PDE1C: variants seen among roughly 807,000 people sequenced by gnomAD.
The protein encoded by PDE1C is phosphodiesterase 1C, also known as dual specificity calcium/calmodulin-dependent 3',5'-cyclic nucleotide phosphodiesterase 1C.
PDE1C carries 62 observed loss-of-function variants against 93.1 expected under a neutral mutation model. The ratio of observed to expected loss-of-function variants is 0.67; its 90% CI spans 0.54 to 0.82. The LOEUF is 0.82. PDE1C is among the 40% of genes least tolerant of loss of function. The probability of loss-of-function intolerance (pLI) is 0.00; values close to 1 mark genes in which losing one functional copy is unlikely to be tolerated. For missense variants in PDE1C, 742 were observed against 884.6 expected, an observed-to-expected ratio of 0.84 and a Z score of 2.04; for synonymous variants, 325 against 310.1, an observed-to-expected ratio of 1.05 and a Z score of -0.50.
At chr7:31,856,590 T>C (rs929776009) in intron 7 of PDE1C, among the ~76,000 whole-genome samples, 4 of 152,048 alleles carry the variant, frequency 2.6e-5, no homozygotes, top group Admixed American at 6.6e-5. Context: ...AATAGATGAG[T>C]TCAAAGTGCA....
At chr7:31,632,391 G>A in the PDE1C span, among the ~76,000 whole-genome samples, 1 of 152,168 alleles carries the variant, frequency 6.6e-6, no homozygotes, top group Non-Finnish European at 1.5e-5. Context: ...GAGTTGCAAT[G>A]AGCCGAGATT....
intron 1 of PDE1C, among the ~76,000 whole-genome samples, chr7:32,387,784 G>A (rs1585137539): frequency 7.2e-6 from 1 of 139,252 alleles, no homozygotes; most frequent in South Asian, 2.5e-4. Flanking sequence ...CCTCCCGGAC[G>A]GGGCGGCTGG....
intron 2 of PDE1C, 135 bp downstream of exon 2, chr7:32,051,419 G>A (rs139091376): frequency 1.1e-4 from 87 of 812,572 alleles, no homozygotes; most frequent in South Asian, 3.6e-4. Flanking sequence ...AGTCACGATC[G>A]GAGATAAAGC....
intron 2 of PDE1C, among the ~76,000 whole-genome samples, chr7:32,207,576 C>G (rs149518602): frequency 8.5e-5 from 13 of 152,276 alleles, no homozygotes; most frequent in Non-Finnish European, 1.6e-4. Flanking sequence ...TGCCATCTGA[C>G]TTTTTCCGGA....
chr7:32,254,197 G>C (rs1199590494), intron 1 of PDE1C, among the ~76,000 whole-genome samples: 1 of 152,176 alleles, frequency 6.6e-6, no homozygotes, highest in African/African-American at 2.4e-5. Flanking sequence ...GAACAAAAGA[G>C]TAGTTCTGTC....
At chr7:32,360,731 G>A (rs1158915810) in intron 1 of PDE1C, among the ~76,000 whole-genome samples, 1 of 152,216 alleles carries the variant, frequency 6.6e-6, no homozygotes, top group African/African-American at 2.4e-5. Context: ...CAGATTATGA[G>A]GCTGGTCTTG....
intron 3 of PDE1C, among the ~76,000 whole-genome samples, chr7:32,156,776 G>A (rs2128794752): frequency 6.6e-6 from 1 of 152,298 alleles, no homozygotes; most frequent in South Asian, 2.1e-4. Context: ...TCAGCCAAGT[G>A]CCATTAAGTG....
the PDE1C span, among the ~76,000 whole-genome samples, chr7:31,630,259 A>AC: frequency 1.3e-5 from 2 of 151,610 alleles, no homozygotes; most frequent in African/African-American, 4.8e-5. Flanking sequence ...AAAAAAAAAA[A>AC]AAACATTGAA....
At chr7:32,297,955 ATCTCTCTCTCTCTCTC>A (rs768784407) in intron 1 of PDE1C, among the ~76,000 whole-genome samples, 4 of 28,954 alleles carry the variant, frequency 1.4e-4, no homozygotes, top group East Asian at 1.9e-3. Flanking sequence ...CTATTGTTCA[ATCTCTCTCTCTCTCTC>A]TCTCTCTCTC....
intron 1 of PDE1C, among the ~76,000 whole-genome samples, chr7:32,210,165 T>C (rs896863060): frequency 3.3e-5 from 5 of 152,218 alleles, no homozygotes; most frequent in African/African-American, 4.8e-5. Flanking sequence ...AACTTATCAT[T>C]GGATAGAGTC....
chr7:31,636,256 A>G, the PDE1C span, among the ~76,000 whole-genome samples: 2 of 152,186 alleles, frequency 1.3e-5, no homozygotes, highest in African/African-American at 4.8e-5. Context: ...CAGCTATGCC[A>G]TATCAACCAG....
chr7:32,151,326 T>G (rs182614108), intron 3 of PDE1C, among the ~76,000 whole-genome samples: 176 of 152,332 alleles, frequency 1.2e-3, no homozygotes, highest in Middle Eastern at 3.4e-3. Flanking sequence ...CCATAGTTAT[T>G]TATTGCCCAG....
intron 1 of PDE1C, among the ~76,000 whole-genome samples, chr7:32,069,054 G>A (rs1346872264): frequency 6.6e-6 from 1 of 152,170 alleles, no homozygotes; most frequent in African/African-American, 2.4e-5. Flanking sequence ...CACTAGCGGT[G>A]GCTAGACAAG....
intron 1 of PDE1C, among the ~76,000 whole-genome samples, chr7:32,212,851 A>G (rs964245569): frequency 7.9e-5 from 12 of 152,064 alleles, no homozygotes; most frequent in African/African-American, 2.7e-4. Flanking sequence ...CTCAAACTTC[A>G]GCAGGCATCA....
intron 3 of PDE1C, among the ~76,000 whole-genome samples, chr7:32,081,051 T>A (rs1796636571): frequency 6.6e-6 from 1 of 152,168 alleles, no homozygotes; most frequent in African/African-American, 2.4e-5. Context: ...GGAAAGCCAA[T>A]CTTAGCAAAA....
intron 1 of PDE1C, among the ~76,000 whole-genome samples, chr7:32,340,821 G>C (rs1783733189): frequency 6.6e-6 from 1 of 152,182 alleles, no homozygotes; most frequent in Non-Finnish European, 1.5e-5. Flanking sequence ...AAGATGAGTG[G>C]TTAGTAAGGG....
intron 2 of PDE1C, among the ~76,000 whole-genome samples, chr7:31,930,334 A>C (rs530469596): frequency 5.6e-4 from 86 of 152,224 alleles, no homozygotes; most frequent in Admixed American, 1.2e-3. Flanking sequence ...AGAGGTACAA[A>C]GAGGAGCTGG....
intron 1 of PDE1C, among the ~76,000 whole-genome samples, chr7:32,398,208 G>A (rs1170121818): frequency 1.3e-5 from 2 of 151,162 alleles, no homozygotes; most frequent in Non-Finnish European, 2.9e-5. Flanking sequence ...AGCTACTCAG[G>A]AGGCTGAGGC....
At chr7:32,242,323 T>C (rs959118010) in intron 1 of PDE1C, among the ~76,000 whole-genome samples, 1 of 152,132 alleles carries the variant, frequency 6.6e-6, no homozygotes, top group Non-Finnish European at 1.5e-5. Context: ...TGAACAATTG[T>C]TGAAGGTGGG....
Sources: gnomAD v4.1 joint callset for allele counts (sites outside exome capture counted in the v4.1 genomes callset) on GRCh38, gnomAD v4.1.1 for gene constraint, MANE v1.5 for transcripts, NCBI Gene and HGNC (gene_info 2026-07-23, HGNC 2026-07-21) for gene names.